ATXN1: variants seen among roughly 807,000 people sequenced by gnomAD.
The protein encoded by ATXN1 is ataxin-1.
ATXN1 carries 8 observed loss-of-function variants against 56.4 expected under a neutral mutation model. The observed-to-expected ratio is 0.14, with a 90% CI of 0.08 to 0.26. The LOEUF is 0.26. Ranked by LOEUF, ATXN1 falls within the 10% of genes least tolerant of loss-of-function variation. The pLI is 1.00. For missense variants in ATXN1, 987 were observed against 1,106.5 expected, an observed-to-expected ratio of 0.89 and a Z score of 1.53; for synonymous variants, 514 against 494.6, an observed-to-expected ratio of 1.04 and a Z score of -0.52.
intron 4 of ATXN1, among the ~76,000 whole-genome samples, chr6:16,555,393 G>A (rs189308411): frequency 1.8e-4 from 27 of 152,238 alleles, no homozygotes; most frequent in African/African-American, 5.8e-4. Context: ...TCAGTAGCTT[G>A]GTCAAGTTCA....
chr6:16,747,210 G>T (rs924016284), intron 2 of ATXN1, among the ~76,000 whole-genome samples: 1 of 152,172 alleles, frequency 6.6e-6, no homozygotes, highest in Non-Finnish European at 1.5e-5. Flanking sequence ...AAAACTGCAC[G>T]CTGCTCGGTG....
chr6:16,684,193 T>A (rs1471980938), intron 2 of ATXN1, among the ~76,000 whole-genome samples: 1 of 152,086 alleles, frequency 6.6e-6, no homozygotes, highest in East Asian at 1.9e-4. Flanking sequence ...TTGACAGGGG[T>A]CCTTGGAGAT....
Position 16,328,451 on chromosome 6 carries a change from G to T in ATXN1, c.-141C>A. ...AATCATCTCCCCGTGGGTACAATCC[G>T]CCAACAGCAGCTCTGGATGCTGGGA... On this transcript the variant is annotated 5_prime_UTR_variant, in exon 7 of 8. Coordinates refer to ENST00000436367, the MANE Select transcript of ATXN1 (RefSeq NM_001128164.2). The surrounding 1 kb of genome is among the most constrained non-coding windows in gnomAD (Gnocchi z 6.2). 1.5e-6 allele frequency: 2 copies of T among 1,296,744 alleles called. No homozygotes were observed. Among genetic ancestry groups the T allele is most frequent in the Non-Finnish European group, 2.0e-6 (2 of 1,017,096 alleles). 80.3% of individuals were successfully genotyped at this position (1,296,744 alleles called of 1,614,324 possible). A position where few individuals can be genotyped will look rare whatever the true frequency, so the allele number is the denominator to read the frequency against.
intron 2 of ATXN1, among the ~76,000 whole-genome samples, chr6:16,702,142 G>A (rs1371524569): frequency 6.6e-6 from 1 of 151,882 alleles, no homozygotes; most frequent in South Asian, 2.1e-4. Flanking sequence ...CAGAGATATA[G>A]ACCAATGGAA....
chr6:16,443,177 G>A (rs973255657), intron 6 of ATXN1, among the ~76,000 whole-genome samples: 1 of 114,364 alleles, frequency 8.7e-6, no homozygotes, highest in Non-Finnish European at 1.6e-5. Context: ...GTGAGACCCT[G>A]TCTCTAAATA....
chr6:16,639,321 T>G (rs1763661622), intron 3 of ATXN1, among the ~76,000 whole-genome samples: 1 of 152,172 alleles, frequency 6.6e-6, no homozygotes, highest in Admixed American at 6.5e-5. Context: ...TGAAGGTCCG[T>G]GGCTCCATTC....
chr6:16,343,623 A>G (rs1394702473), intron 6 of ATXN1, among the ~76,000 whole-genome samples: 1 of 152,136 alleles, frequency 6.6e-6, no homozygotes, highest in East Asian at 1.9e-4. Flanking sequence ...GTCATTGCTC[A>G]CTGAAGACTG....
chr6:16,675,894 A>C (rs1758652275), intron 2 of ATXN1, among the ~76,000 whole-genome samples: 1 of 152,100 alleles, frequency 6.6e-6, no homozygotes, highest in South Asian at 2.1e-4. Flanking sequence ...TTCTCAAAAA[A>C]TAAATAAATA....
chr6:16,694,493 GAAAT>G (rs1176234384), intron 2 of ATXN1, among the ~76,000 whole-genome samples: 1 of 152,050 alleles, frequency 6.6e-6, no homozygotes, highest in Admixed American at 6.6e-5. Flanking sequence ...TTCTTTAAAA[GAAAT>G]TATGTCTATG....
At chr6:16,378,204 C>T (rs1326717113) in intron 6 of ATXN1, among the ~76,000 whole-genome samples, 2 of 152,216 alleles carry the variant, frequency 1.3e-5, no homozygotes, top group Admixed American at 6.5e-5. Context: ...AACTCCTACC[C>T]AGCAACTCAG....
intron 6 of ATXN1, among the ~76,000 whole-genome samples, chr6:16,353,040 T>C (rs1427223877): frequency 2.6e-5 from 4 of 152,142 alleles, no homozygotes; most frequent in Non-Finnish European, 5.9e-5. Context: ...AAAGGGACGA[T>C]TCACGTCTGC....
intron 6 of ATXN1, among the ~76,000 whole-genome samples, chr6:16,452,992 C>T (rs1366480059): frequency 5.3e-5 from 8 of 152,196 alleles, no homozygotes; most frequent in Non-Finnish European, 1.2e-4. Flanking sequence ...TTATCACCAT[C>T]ATTTGCATCC....
At chr6:16,346,249 A>G (rs1460473157) in intron 6 of ATXN1, among the ~76,000 whole-genome samples, 1 of 152,010 alleles carries the variant, frequency 6.6e-6, no homozygotes, top group Admixed American at 6.6e-5. Context: ...AGACAGGGTT[A>G]TATCATGTTG....
chr6:16,672,671 C>T (rs944305040), intron 2 of ATXN1, among the ~76,000 whole-genome samples: 1 of 152,088 alleles, frequency 6.6e-6, no homozygotes, highest in Non-Finnish European at 1.5e-5. Flanking sequence ...ACATTGATGG[C>T]TTTGAAGATA....
chr6:16,436,345 G>A (rs1759388650), intron 6 of ATXN1, among the ~76,000 whole-genome samples: 1 of 152,174 alleles, frequency 6.6e-6, no homozygotes, highest in Non-Finnish European at 1.5e-5. Context: ...TGTACTAGAT[G>A]CTGACAAAGA....
intron 2 of ATXN1, among the ~76,000 whole-genome samples, chr6:16,711,115 A>G (rs994326854): frequency 6.6e-6 from 1 of 152,222 alleles, no homozygotes; most frequent in Non-Finnish European, 1.5e-5. Context: ...AGTGGAACAG[A>G]GAGTCTTAAA....
chr6:16,600,898 A>G (rs1485790366), intron 3 of ATXN1, among the ~76,000 whole-genome samples: 1 of 152,226 alleles, frequency 6.6e-6, no homozygotes, highest in Non-Finnish European at 1.5e-5. Flanking sequence ...AAACTCAAGT[A>G]ATTCCTTTGA....
chr6:16,741,954 G>C (rs984480652), intron 2 of ATXN1, among the ~76,000 whole-genome samples: 5 of 152,190 alleles, frequency 3.3e-5, no homozygotes, highest in Admixed American at 1.3e-4. Flanking sequence ...GAAGAGTAGA[G>C]AAAGGTTCAA....
chr6:16,318,303 G>C (rs1028736716), intron 7 of ATXN1, among the ~76,000 whole-genome samples: 2 of 152,130 alleles, frequency 1.3e-5, no homozygotes, highest in African/African-American at 4.8e-5. Context: ...CTGTTGCTGG[G>C]AGCAATGAAT....
Sources: gnomAD v4.1 joint callset for allele counts (sites outside exome capture counted in the v4.1 genomes callset) on GRCh38, gnomAD v4.1.1 for gene constraint, Gnocchi (gnomAD v3.1) non-coding constraint, MANE v1.5 for transcripts, NCBI Gene and HGNC (gene_info 2026-07-23, HGNC 2026-07-21) for gene names.